The following CNTNAP2 variants were observed in gnomAD, a reference collection of about 807,000 sequenced individuals.
CNTNAP2 encodes the protein contactin-associated protein-like 2.
In CNTNAP2, 98 loss-of-function variants were observed where a neutral mutation model predicts 155.2. That is an observed-to-expected ratio of 0.63 (90% CI 0.54 to 0.75). The LOEUF (loss-of-function observed/expected upper bound fraction) is 0.75. Ranked by LOEUF, CNTNAP2 falls within the 30% of genes least tolerant of loss-of-function variation. CNTNAP2 has a pLI of 0.00. For synonymous variants in CNTNAP2, 651 were observed against 631.2 expected, an observed-to-expected ratio of 1.03 and a Z score of -0.47; for missense variants, 1,727 against 1,688.1, an observed-to-expected ratio of 1.02 and a Z score of -0.40.
At chr7:147,184,239 G>T (rs1802521418) in intron 8 of CNTNAP2, among the ~76,000 whole-genome samples, 1 of 152,118 alleles carries the variant, frequency 6.6e-6, no homozygotes, top group Non-Finnish European at 1.5e-5. Context: ...AATAGGAGCT[G>T]GGGAGAAGTG....
intron 3 of CNTNAP2, among the ~76,000 whole-genome samples, chr7:146,930,162 GAA>G (rs1165434870): frequency 6.6e-6 from 1 of 152,104 alleles, no homozygotes; most frequent in Non-Finnish European, 1.5e-5. Flanking sequence ...TGAAATGAAG[GAA>G]AAAATGTTAA....
intron 11 of CNTNAP2, among the ~76,000 whole-genome samples, chr7:147,536,431 A>G (rs1488152822): frequency 6.6e-6 from 1 of 152,178 alleles, no homozygotes. Flanking sequence ...AAAACAAACA[A>G]GAACTTCCTG....
chr7:146,969,565 A>C (rs1489714427), intron 3 of CNTNAP2, among the ~76,000 whole-genome samples: 1 of 152,252 alleles, frequency 6.6e-6, no homozygotes, highest in East Asian at 1.9e-4. Context: ...CCATTATGTA[A>C]TGGCCTTCTT....
At chr7:146,275,167 T>C (rs1339165783) in intron 1 of CNTNAP2, among the ~76,000 whole-genome samples, 2 of 152,224 alleles carry the variant, frequency 1.3e-5, no homozygotes, top group African/African-American at 4.8e-5. Context: ...TCTCATTTTC[T>C]GTATCAAATA....
intron 11 of CNTNAP2, among the ~76,000 whole-genome samples, chr7:147,552,474 T>G (rs908282118): frequency 4.6e-5 from 7 of 152,090 alleles, no homozygotes; most frequent in Non-Finnish European, 8.8e-5. Flanking sequence ...GAATTAACAC[T>G]TTTTAATTTA....
At chr7:147,023,504 A>G (rs1798850602) in intron 3 of CNTNAP2, among the ~76,000 whole-genome samples, 1 of 152,134 alleles carries the variant, frequency 6.6e-6, no homozygotes, top group South Asian at 2.1e-4. Context: ...ATTCACTTTG[A>G]TGCTTTAAGA....
At chr7:148,071,872 A>G (rs1484151983) in intron 15 of CNTNAP2, among the ~76,000 whole-genome samples, 2 of 152,162 alleles carry the variant, frequency 1.3e-5, no homozygotes, top group Non-Finnish European at 2.9e-5. Flanking sequence ...AGTCATTTGA[A>G]AATTCATGGG....
At chr7:147,538,813 A>G (rs967076246) in intron 11 of CNTNAP2, among the ~76,000 whole-genome samples, 5 of 151,894 alleles carry the variant, frequency 3.3e-5, no homozygotes, top group Admixed American at 3.3e-4. Flanking sequence ...TTTTTTCTCT[A>G]CTTAGTTTCA....
At chr7:148,038,228 G>A (rs951516031) in intron 15 of CNTNAP2, among the ~76,000 whole-genome samples, 2 of 152,134 alleles carry the variant, frequency 1.3e-5, no homozygotes, top group African/African-American at 4.8e-5. Context: ...GCCTCAACCT[G>A]TCCATCAACC....
chr7:147,552,173 T>C (rs888877386), intron 11 of CNTNAP2, among the ~76,000 whole-genome samples: 3 of 152,124 alleles, frequency 2.0e-5, no homozygotes, highest in Non-Finnish European at 4.4e-5. Context: ...GGGCGGTGTA[T>C]TTTGTTTGTT....
chr7:146,169,625 C>T lies in CNTNAP2; in HGVS notation c.97+52652C>T, dbSNP rs372081612. On this transcript the variant is annotated intron_variant, in intron 1 of 23. Transcript: ENST00000361727. ...TTCATCTTAAAACATTTCTCCATTT[C>T]CCATACCTCTGATCCCCTGACAACC... is the stretch of plus-strand genomic sequence containing the variant. Among the ~76,000 whole-genome samples, 145 of 152,000 alleles carry T rather than the reference C, an allele frequency of 9.5e-4. 3 individuals are homozygous for T. In the South Asian group the frequency reaches 0.028, roughly 30 times the overall value.
intron 12 of CNTNAP2, among the ~76,000 whole-genome samples, chr7:147,613,945 T>A (rs1195652529): frequency 6.6e-6 from 1 of 152,246 alleles, no homozygotes; most frequent in African/African-American, 2.4e-5. Flanking sequence ...ACAATTTTTA[T>A]GTAGGGTTAA....
chr7:146,508,469 T>C (rs759755856), intron 1 of CNTNAP2, among the ~76,000 whole-genome samples: 2 of 152,236 alleles, frequency 1.3e-5, no homozygotes, highest in African/African-American at 4.8e-5. Flanking sequence ...GGCCTCTGTC[T>C]ATGTATGCAA....
intron 15 of CNTNAP2, among the ~76,000 whole-genome samples, chr7:148,073,862 T>C (rs1174098997): frequency 6.6e-6 from 1 of 152,120 alleles, no homozygotes; most frequent in Non-Finnish European, 1.5e-5. Flanking sequence ...TTCACAAGAT[T>C]TGAAACCCAT....
In CNTNAP2 at chr7:146,350,383, C is replaced by T. The variant is rs1250883929; in HGVS notation, c.97+233410C>T. On this transcript the variant is annotated intron_variant, in intron 1 of 23. Coordinates refer to ENST00000361727, the MANE Select transcript of CNTNAP2 (RefSeq NM_014141.6). ...AGTGGGCGAAGGATATGAACAGACA[C>T]TTCTCAAAAGAAGACATTTATGCAG... 2.6e-5 allele frequency among the ~76,000 whole-genome samples: 4 copies of T among 152,166 alleles called. No individual in the cohort carries two copies. The South Asian group carries it at 6.2e-4, about 24-fold the overall frequency.
At chr7:148,254,346 C>T (rs1030296841) in intron 20 of CNTNAP2, among the ~76,000 whole-genome samples, 1 of 152,102 alleles carries the variant, frequency 6.6e-6, no homozygotes, top group African/African-American at 2.4e-5. Context: ...ACAAATCAAA[C>T]CCCGAAAACG....
chr7:146,936,597 C>A (rs1384375469), intron 3 of CNTNAP2, among the ~76,000 whole-genome samples: 1 of 152,210 alleles, frequency 6.6e-6, no homozygotes, highest in Non-Finnish European at 1.5e-5. Flanking sequence ...ACTTTTATAT[C>A]TGAGTCCTTG....
chr7:147,371,605 G>GC (rs1796338745), intron 9 of CNTNAP2, among the ~76,000 whole-genome samples: 1 of 151,976 alleles, frequency 6.6e-6, no homozygotes, highest in South Asian at 2.1e-4. Context: ...TTGTAGTGTT[G>GC]CAGAGGCTGT....
chr7:147,533,731 A>G (rs1327517656), intron 11 of CNTNAP2, among the ~76,000 whole-genome samples: 1 of 151,520 alleles, frequency 6.6e-6, no homozygotes, highest in Non-Finnish European at 1.5e-5. Flanking sequence ...AAAGCACCTT[A>G]CTTTTTACTT....
Sources: gnomAD v4.1 joint callset for allele counts (sites outside exome capture counted in the v4.1 genomes callset) on GRCh38, gnomAD v4.1.1 for gene constraint, MANE v1.5 for transcripts, NCBI Gene and HGNC (gene_info 2026-07-23, HGNC 2026-07-21) for gene names.